Variants in CGGBP1 observed in about 807,000 individuals in gnomAD.
The protein encoded by CGGBP1 is CGG triplet repeat binding protein 1.
Under a neutral mutation model 11.4 loss-of-function variants are expected in CGGBP1, and 4 were observed. The observed-to-expected ratio is 0.35, with a 90% CI of 0.17 to 0.80. The LOEUF is 0.80. Ranked by LOEUF, CGGBP1 falls within the 30% of genes least tolerant of loss-of-function variation. The probability of loss-of-function intolerance (pLI) is 0.52; values close to 1 mark genes in which losing one functional copy is unlikely to be tolerated. For missense variants in CGGBP1, 135 were observed against 202.1 expected (o/e 0.67, Z 2.01); for synonymous variants, 76 against 74.1 (o/e 1.03, Z -0.13).
chr3:88,147,532 T>A (rs563087344), intron 1 of CGGBP1, among the ~76,000 whole-genome samples: 1 of 151,694 alleles, frequency 6.6e-6, no homozygotes, highest in African/African-American at 2.4e-5. Context: ...AAAGTCCATA[T>A]AATGGTCTAC....
chr3:88,113,067 G>C (rs1262474325), intron 2 of CGGBP1: 2 of 1,274,722 alleles, frequency 1.6e-6, no homozygotes, highest in Non-Finnish European at 2.2e-6. Context: ...CTTTTAATTG[G>C]AGCAAAACTC....
intron 2 of CGGBP1, among the ~76,000 whole-genome samples, chr3:88,127,137 A>G (rs908274820): frequency 2.6e-5 from 4 of 152,172 alleles, no homozygotes; most frequent in African/African-American, 7.2e-5. Flanking sequence ...GAGAGAGCCA[A>G]TGGAGTTTAG....
At chr3:88,129,964 G>A in intron 2 of CGGBP1, 4 of 688,176 alleles carry the variant, frequency 5.8e-6, no homozygotes, top group Non-Finnish European at 8.5e-6. Context: ...AGGAACAATA[G>A]TAGATTCTAA....
At chr3:88,092,510 T>G (rs1703804431) in intron 2 of CGGBP1, among the ~76,000 whole-genome samples, 1 of 152,118 alleles carries the variant, frequency 6.6e-6, no homozygotes, top group South Asian at 2.1e-4. Context: ...TCTGAAGGAA[T>G]GACAGGAATA....
chr3:88,099,121 G>A (rs1402567929), intron 2 of CGGBP1, among the ~76,000 whole-genome samples: 1 of 152,024 alleles, frequency 6.6e-6, no homozygotes, highest in Non-Finnish European at 1.5e-5. Flanking sequence ...TAAGCTGATA[G>A]GCAACTTCAG....
At chr3:88,092,464 C>T (rs949496661) in intron 2 of CGGBP1, among the ~76,000 whole-genome samples, 5 of 151,918 alleles carry the variant, frequency 3.3e-5, no homozygotes, top group Non-Finnish European at 7.4e-5. Context: ...TCTTGGAGGT[C>T]AGCAAAAATG....
At chr3:88,117,796 C>T (rs4580585) in intron 2 of CGGBP1, among the ~76,000 whole-genome samples, 119,087 of 151,878 alleles carry the variant, frequency 0.78, 47,577 homozygotes, top group South Asian at 0.91. Context: ...GGCATCTATG[C>T]GGAAATAACT....
intron 1 of CGGBP1, chr3:88,144,685 T>C (rs13074910): frequency 0.93 from 142,085 of 152,412 alleles, 66,356 homozygotes; most frequent in African/African-American, 0.98. Flanking sequence ...TTATGTAGTA[T>C]ATTGCTTTCA....
chr3:88,106,222 G>A (rs945213556), intron 2 of CGGBP1, among the ~76,000 whole-genome samples: 20 of 152,186 alleles, frequency 1.3e-4, no homozygotes, highest in Admixed American at 7.9e-4. Context: ...TGAGCTGTCT[G>A]ATGATATGTC....
At chr3:88,145,733 T>C (rs906623608) in intron 1 of CGGBP1, among the ~76,000 whole-genome samples, 6 of 152,194 alleles carry the variant, frequency 3.9e-5, no homozygotes, top group African/African-American at 1.4e-4. Flanking sequence ...ATAAAAATTG[T>C]AAATGATAGA....
At chr3:88,067,502 T>G (rs936228014) in intron 2 of CGGBP1, among the ~76,000 whole-genome samples, 2 of 152,178 alleles carry the variant, frequency 1.3e-5, no homozygotes, top group African/African-American at 2.4e-5. Flanking sequence ...ACCTTAAAAC[T>G]AAAGCTTGAG....
upstream of CGGBP1, among the ~76,000 whole-genome samples, chr3:88,063,248 G>A (rs1706989755): frequency 6.6e-6 from 1 of 152,136 alleles, no homozygotes; most frequent in Non-Finnish European, 1.5e-5. Context: ...GTAATGCCGA[G>A]GTTGAGAAAC....
rs1706512607 is a variant in CGGBP1 at position 88,055,105 on chromosome 3, C to T, written c.*368G>A. On this transcript the variant is annotated 3_prime_UTR_variant, in exon 4 of 4. Coordinates refer to ENST00000482016, the MANE Select transcript of CGGBP1 (RefSeq NM_001008390.2). The surrounding 1 kb of genome is among the most constrained non-coding windows in gnomAD (Gnocchi z 4.2). The stretch of plus-strand genomic sequence containing the variant: ...CTGGCAGCAGCTTCAATAGGCTAGT[C>T]TTCAATCCAAGTAATTAAGTAATCT... The T allele has an allele frequency of 6.1e-6, 1 of 163,614 alleles. No homozygotes were observed. The highest frequency in any genetic ancestry group is 1.3e-5 in the Non-Finnish European group (1 of 76,150). 10.1% of individuals were successfully genotyped at this position (163,614 alleles called of 1,614,324 possible).
intron 2 of CGGBP1, among the ~76,000 whole-genome samples, chr3:88,130,473 A>G (rs1023680663): frequency 6.6e-6 from 1 of 151,982 alleles, no homozygotes; most frequent in African/African-American, 2.4e-5. Flanking sequence ...TTTTTTGGAG[A>G]CAGGGTTTCA....
At chr3:88,095,543 T>C (rs1486469067) in intron 2 of CGGBP1, 1 of 509,204 alleles carries the variant, frequency 2.0e-6, no homozygotes, top group Non-Finnish European at 4.0e-6. Context: ...CCAGGTCTGC[T>C]TCATCTGTCT....
chr3:88,092,821 T>TAA (rs1053974636), intron 2 of CGGBP1, among the ~76,000 whole-genome samples: 5 of 152,316 alleles, frequency 3.3e-5, no homozygotes, highest in African/African-American at 7.2e-5. Flanking sequence ...TCCACCTTAA[T>TAA]AAAAGCCTTT....
chr3:88,099,207 A>T lies in CGGBP1; in HGVS notation c.-228-40984T>A, dbSNP rs540495249. Among the ~76,000 whole-genome samples, 36 of 152,336 alleles carry T rather than the reference A, an allele frequency of 2.4e-4. No homozygotes were observed. In the South Asian group the frequency reaches 7.5e-3, roughly 32 times the overall value. On this transcript the variant is annotated intron_variant, in intron 2 of 3. Transcript: ENST00000462901. ...ACACCAATAACAGACAGAGAGCCAAATCATGAGTGAACTCCCATTCACAAT... is the reference window on the plus strand; with the variant it reads ...ACACCAATAACAGACAGAGAGCCAATTCATGAGTGAACTCCCATTCACAAT...
chr3:88,116,199 C>A (rs532724651), intron 2 of CGGBP1, among the ~76,000 whole-genome samples: 1 of 152,030 alleles, frequency 6.6e-6, no homozygotes, highest in South Asian at 2.1e-4. Flanking sequence ...GACAGAAATC[C>A]TGAGTGACTT....
chr3:88,075,445 A>G (rs1369897822), intron 2 of CGGBP1, among the ~76,000 whole-genome samples: 3 of 152,136 alleles, frequency 2.0e-5, no homozygotes, highest in African/African-American at 7.2e-5. Flanking sequence ...TCATATTTGT[A>G]TTATTTGGAT....
Sources: allele counts gnomAD v4.1 joint callset (sites outside exome capture counted in the v4.1 genomes callset), GRCh38; gene constraint gnomAD v4.1.1; non-coding constraint Gnocchi (gnomAD v3.1); transcripts MANE v1.5; gene names NCBI Gene and HGNC (gene_info 2026-07-23, HGNC 2026-07-21).